KCNIP4: variants seen among roughly 807,000 people sequenced by gnomAD.
The protein encoded by KCNIP4 is potassium voltage-gated channel interacting protein 4.
Under a neutral mutation model 34.0 loss-of-function variants are expected in KCNIP4, and 12 were observed. The ratio of observed to expected loss-of-function variants is 0.35; its 90% CI spans 0.23 to 0.57. The LOEUF (loss-of-function observed/expected upper bound fraction) is 0.57. KCNIP4 is among the 20% of genes least tolerant of loss of function. KCNIP4 has a pLI of 0.83. For missense variants in KCNIP4, 238 were observed against 311.7 expected (o/e 0.76, Z 1.78); for synonymous variants, 124 against 102.2 (o/e 1.21, Z -1.29).
intron 1 of KCNIP4, among the ~76,000 whole-genome samples, chr4:21,033,104 A>G (rs924194648): frequency 2.0e-5 from 3 of 150,564 alleles, no homozygotes; most frequent in African/African-American, 7.5e-5. Flanking sequence ...ATGAATGAAT[A>G]AATAAATAAA....
intron 1 of KCNIP4, among the ~76,000 whole-genome samples, chr4:21,857,454 GAGA>G (rs1724828962): frequency 6.6e-6 from 1 of 152,090 alleles, no homozygotes; most frequent in East Asian, 1.9e-4. Flanking sequence ...GCTGAGAGCT[GAGA>G]AGATGATGGA....
intron 1 of KCNIP4, among the ~76,000 whole-genome samples, chr4:21,651,251 A>G (rs1292885783): frequency 6.6e-6 from 1 of 152,186 alleles, no homozygotes; most frequent in African/African-American, 2.4e-5. Flanking sequence ...TGTCTACCAC[A>G]TAATTCTTGA....
intron 1 of KCNIP4, among the ~76,000 whole-genome samples, chr4:21,533,330 C>G (rs919315221): frequency 1.3e-5 from 2 of 152,028 alleles, no homozygotes. Flanking sequence ...AAAATCTCCC[C>G]CTTTTGAAAT....
intron 1 of KCNIP4, among the ~76,000 whole-genome samples, chr4:21,495,499 C>T (rs1732776052): frequency 6.6e-6 from 1 of 152,146 alleles, no homozygotes; most frequent in Middle Eastern, 3.4e-3. Flanking sequence ...TGGAAACAAC[C>T]TTATTATCAT....
chr4:21,911,255 T>A (rs1728291197), intron 1 of KCNIP4, among the ~76,000 whole-genome samples: 1 of 152,186 alleles, frequency 6.6e-6, no homozygotes, highest in African/African-American at 2.4e-5. Flanking sequence ...TAACATCTAC[T>A]GCAATGTTCC....
chr4:20,931,154 T>C (rs1014076269), intron 1 of KCNIP4, among the ~76,000 whole-genome samples: 3 of 150,276 alleles, frequency 2.0e-5, no homozygotes, highest in Non-Finnish European at 4.4e-5. Flanking sequence ...GGTTGACAGA[T>C]GAATGTATAA....
chr4:20,892,265 G>T (rs1172787781), intron 1 of KCNIP4, among the ~76,000 whole-genome samples: 1 of 152,146 alleles, frequency 6.6e-6, no homozygotes, highest in Non-Finnish European at 1.5e-5. Context: ...TGCTGAAAAC[G>T]ATCTACAGAT....
At position 21,386,058 on chromosome 4, in the gene KCNIP4, G is replaced by A. The variant is rs77009916; in HGVS notation, c.62-503349C>T. Among the ~76,000 whole-genome samples the A allele has an allele frequency of 1.0e-2, 1,522 of 152,236 alleles. 26 individuals are homozygous for A. The highest frequency in any genetic ancestry group is 0.035 in the African/African-American group (1,455 of 41,552). ...GCTATATTTTAGTCTGTAATGGGTC[G>A]TATAAATATGGGGAAATTACTTTTT... On this transcript the variant is annotated intron_variant, in intron 1 of 8. Transcript: ENST00000382152.
chr4:21,011,310 A>C (rs1739046665), intron 1 of KCNIP4, among the ~76,000 whole-genome samples: 1 of 152,196 alleles, frequency 6.6e-6, no homozygotes, highest in East Asian at 1.9e-4. Context: ...GATTTCATAC[A>C]ACTCTTGTTT....
chr4:21,690,381 T>C (rs1017035663), intron 1 of KCNIP4, among the ~76,000 whole-genome samples: 2 of 152,048 alleles, frequency 1.3e-5, no homozygotes, highest in Non-Finnish European at 1.5e-5. Context: ...GTGATCCCAG[T>C]GTTGGAGGTG....
intron 1 of KCNIP4, among the ~76,000 whole-genome samples, chr4:21,904,332 T>C (rs1727873327): frequency 6.6e-6 from 1 of 152,172 alleles, no homozygotes; most frequent in Non-Finnish European, 1.5e-5. Context: ...AAGTAAGTTA[T>C]TAACCACTTC....
intron 1 of KCNIP4, among the ~76,000 whole-genome samples, chr4:21,234,654 T>TTA (rs1759214212): frequency 6.8e-6 from 1 of 146,680 alleles, no homozygotes; most frequent in South Asian, 2.1e-4. Context: ...TATATATATG[T>TTA]TATATATATA....
intron 1 of KCNIP4, among the ~76,000 whole-genome samples, chr4:21,861,650 C>T (rs1465251753): frequency 3.0e-5 from 2 of 67,184 alleles, no homozygotes; most frequent in Non-Finnish European, 6.4e-5. Context: ...GAGTGAGACT[C>T]CGTCTCAAAA....
chr4:20,991,035 T>C (rs911596427), intron 1 of KCNIP4, among the ~76,000 whole-genome samples: 2 of 152,168 alleles, frequency 1.3e-5, no homozygotes, highest in Non-Finnish European at 2.9e-5. Context: ...CCCCATTATA[T>C]AGATCAGAAT....
chr4:21,541,811 T>C (rs1375293472), intron 1 of KCNIP4, among the ~76,000 whole-genome samples: 2 of 151,924 alleles, frequency 1.3e-5, no homozygotes, highest in African/African-American at 4.8e-5. Context: ...TCAGCTACTT[T>C]TAAAATTTTT....
intron 1 of KCNIP4, among the ~76,000 whole-genome samples, chr4:21,555,196 T>G (rs1325001993): frequency 6.6e-6 from 1 of 152,120 alleles, no homozygotes; most frequent in Non-Finnish European, 1.5e-5. Context: ...GCAAGCTGCA[T>G]TAACCTGTCT....
At chr4:21,375,629 C>T (rs1006241370) in intron 1 of KCNIP4, among the ~76,000 whole-genome samples, 5 of 150,808 alleles carry the variant, frequency 3.3e-5, no homozygotes, top group Admixed American at 2.0e-4. Context: ...TGCAGTGGTG[C>T]GATCTCTGCT....
chr4:21,921,737 T>C (rs1728950492), intron 1 of KCNIP4, among the ~76,000 whole-genome samples: 1 of 152,200 alleles, frequency 6.6e-6, no homozygotes, highest in East Asian at 1.9e-4. Flanking sequence ...TCCATTGACA[T>C]TCCAATCTAA....
intron 1 of KCNIP4, among the ~76,000 whole-genome samples, chr4:21,001,205 C>G (rs1041127514): frequency 6.6e-6 from 1 of 151,980 alleles, no homozygotes; most frequent in Non-Finnish European, 1.5e-5. Context: ...AATTAACATA[C>G]ATAGATACAA....
Sources: allele counts gnomAD v4.1 joint callset (sites outside exome capture counted in the v4.1 genomes callset), GRCh38; gene constraint gnomAD v4.1.1; transcripts MANE v1.5; gene names NCBI Gene and HGNC (gene_info 2026-07-23, HGNC 2026-07-21).